SLC8A2: variants seen among roughly 807,000 people sequenced by gnomAD.
The protein encoded by SLC8A2 is sodium/calcium exchanger 2.
SLC8A2 carries 14 observed loss-of-function variants against 70.2 expected under a neutral mutation model. The ratio of observed to expected loss-of-function variants is 0.20; its 90% CI spans 0.13 to 0.31. SLC8A2 has a LOEUF of 0.31. SLC8A2 is among the 10% of genes least tolerant of loss of function. SLC8A2 has a pLI of 1.00. For synonymous variants in SLC8A2, 575 were observed against 594.3 expected, an observed-to-expected ratio of 0.97 and a Z score of 0.47; for missense variants, 779 against 1,320.1, an observed-to-expected ratio of 0.59 and a Z score of 6.35.
At chr19:47,453,849 T>TCC in intron 3 of SLC8A2, among the ~76,000 whole-genome samples, 1 of 151,798 alleles carries the variant, frequency 6.6e-6, no homozygotes, top group Non-Finnish European at 1.5e-5. Flanking sequence ...TGCTTGAGCT[T>TCC]GGGAGGCGGA....
intron 4 of SLC8A2, among the ~76,000 whole-genome samples, chr19:47,445,350 C>A (rs990768027): frequency 1.8e-4 from 28 of 152,178 alleles, no homozygotes; most frequent in African/African-American, 6.5e-4. Flanking sequence ...CTCAGATGAT[C>A]CACCCGTGTT....
chr19:47,461,632 A>T (rs1301286533), intron 2 of SLC8A2, among the ~76,000 whole-genome samples: 1 of 152,248 alleles, frequency 6.6e-6, no homozygotes, highest in African/African-American at 2.4e-5. Flanking sequence ...AAGACTTGCA[A>T]ATAGTAAAAC....
In SLC8A2 at chr19:47,429,671, C is replaced by G; in HGVS notation, c.*418G>C. On this transcript the variant is annotated 3_prime_UTR_variant, in exon 10 of 10. Coordinates refer to ENST00000236877, the MANE Select transcript of SLC8A2 (RefSeq NM_015063.3). Reference sequence around the variant, plus strand: ...GAGGGTGGGTTCTGAGGCTCTGGGACATGGGGTGAAGTGGGGGGGGGGTCA... The same window carrying G: ...GAGGGTGGGTTCTGAGGCTCTGGGAGATGGGGTGAAGTGGGGGGGGGGTCA... The G allele has an allele frequency of 7.7e-6, 1 of 130,082 alleles. No homozygotes were observed. Among genetic ancestry groups the G allele is most frequent in the Non-Finnish European group, 1.5e-5 (1 of 67,594 alleles). The allele number at this position is 130,082 out of a possible 1,614,324, so 8.1% of individuals were successfully genotyped here. A position where few individuals can be genotyped will look rare whatever the true frequency, so the allele number is the denominator to read the frequency against.
chr19:47,466,308 C>G lies in SLC8A2; in HGVS notation c.96G>C (p.Pro32=), dbSNP rs372124772. The part of the protein sequence containing the change: ...ATPTPSLPPP[P]ANDSDTSTGG... ...CTGTGCTGGTGTCGCTGTCATTGGC[C>G]GGGGGAGGCGGCAGGGAGGGGGTTG... The change falls in exon 2 of 10, where the codon CCG becomes CCC. Residue 32 remains proline, a synonymous_variant. Transcript: ENST00000236877. The surrounding 1 kb of genome is among the most constrained non-coding windows in gnomAD (Gnocchi z 6.9). The G allele has an allele frequency of 3.4e-6, 5 of 1,490,808 alleles. No homozygotes were observed. Among genetic ancestry groups the G allele is most frequent in the Middle Eastern group, 1.8e-4 (1 of 5,646 alleles). 92.3% of individuals were successfully genotyped at this position (1,490,808 alleles called of 1,614,324 possible).
intron 4 of SLC8A2, among the ~76,000 whole-genome samples, 182 bp from the exon 5 acceptor site, chr19:47,441,622 A>G (rs1327485603): frequency 6.6e-6 from 1 of 152,190 alleles, no homozygotes; most frequent in African/African-American, 2.4e-5. Flanking sequence ...CCCATTTGAC[A>G]GAAACAAAAC....
At chr19:47,469,867 G>A (rs1040646431) in intron 1 of SLC8A2, among the ~76,000 whole-genome samples, 8 of 152,296 alleles carry the variant, frequency 5.3e-5, no homozygotes, top group East Asian at 3.9e-4. Context: ...GTGGGCGTGC[G>A]GCCAGCTGGG....
rs1328980427 is a variant in SLC8A2 at position 47,448,344 on chromosome 19, A to C, written c.1341-113T>G. On this transcript the variant is annotated intron_variant, in intron 3 of 9. Transcript: ENST00000236877. This position sits in a 1 kb window ranked among gnomAD's most constrained non-coding sequence, Gnocchi z 4.8. ...GAGGAGACGTAGGTGCCATAGAAGAACTCCCAAGTATGAGGGTCGACAGGC... is the reference window on the plus strand; with the variant it reads ...GAGGAGACGTAGGTGCCATAGAAGACCTCCCAAGTATGAGGGTCGACAGGC... The C allele has an allele frequency of 1.0e-4, 78 of 749,450 alleles. No homozygotes were observed. The highest frequency in any genetic ancestry group is 8.6e-4 in the South Asian group (47 of 54,932). The allele number at this position is 749,450 out of a possible 1,614,324, so 46.4% of individuals were successfully genotyped here.
At chr19:47,463,442 T>C (rs1967421484) in intron 2 of SLC8A2, among the ~76,000 whole-genome samples, 1 of 146,428 alleles carries the variant, frequency 6.8e-6, no homozygotes, top group Non-Finnish European at 1.5e-5. Flanking sequence ...CCAGAAACCT[T>C]TTCTTTAGGC....
intron 3 of SLC8A2, among the ~76,000 whole-genome samples, chr19:47,456,382 A>G (rs1032920574): frequency 3.3e-5 from 5 of 152,204 alleles, no homozygotes; most frequent in East Asian, 1.9e-4. Context: ...AACACAGAAC[A>G]TGGCCGGATG....
chr19:47,429,795 A>C lies in SLC8A2; in HGVS notation c.*294T>G. 2 of 464,588 alleles carry C rather than the reference A, an allele frequency of 4.3e-6. No individual in the cohort carries two copies. The highest frequency in any genetic ancestry group is 7.6e-6 in the Non-Finnish European group (2 of 264,420). 28.8% of individuals were successfully genotyped at this position (464,588 alleles called of 1,614,324 possible). ...GGTTACTGGGGGTGGTTCCCTGGGG[A>C]GGGGACTGGGGTGGAAATTTCCCCA... On this transcript the variant is annotated 3_prime_UTR_variant, in exon 10 of 10. Transcript: ENST00000236877.
At chr19:47,467,304 G>T (rs925141157) in intron 1 of SLC8A2, among the ~76,000 whole-genome samples, 1 of 152,220 alleles carries the variant, frequency 6.6e-6, no homozygotes, top group East Asian at 1.9e-4. Context: ...TCACTGAGAG[G>T]CAGGGAGCAG....
In SLC8A2 at chr19:47,447,141, G is replaced by C. The variant is rs59231505; in HGVS notation, c.1763+668C>G. Among the ~76,000 whole-genome samples the C allele has an allele frequency of 0.03, 4,484 of 149,024 alleles. 219 individuals carry two copies. Among genetic ancestry groups the C allele is most frequent in the African/African-American group, 0.1 (4,203 of 40,188 alleles). On this transcript the variant is annotated intron_variant, in intron 4 of 9. Coordinates refer to ENST00000236877, the MANE Select transcript of SLC8A2 (RefSeq NM_015063.3). The surrounding 1 kb of genome is among the most constrained non-coding windows in gnomAD (Gnocchi z 5.1). ...CCCCACCCCTTCCCTAGCTCCGCGC[G>C]CCCAGGCCCCACCCATCTTGTTAGG...
In SLC8A2 at chr19:47,437,445, C is replaced by A; in HGVS notation, c.2110+17G>T. The stretch of plus-strand genomic sequence containing the variant: ...CTCTCCATCTTTCTCTCTTCTCTCT[C>A]CTCCCTCCCCACTTACCTGCGCTCA... On this transcript the variant is annotated intron_variant, in intron 8 of 9. Coordinates refer to ENST00000236877, the MANE Select transcript of SLC8A2 (RefSeq NM_015063.3). The A allele has an allele frequency of 1.3e-6, 2 of 1,496,550 alleles. No homozygotes were observed. The highest frequency in any genetic ancestry group is 2.3e-5 in the East Asian group (1 of 44,344). 92.7% of individuals were successfully genotyped at this position (1,496,550 alleles called of 1,614,324 possible). A position where few individuals can be genotyped will look rare whatever the true frequency, so the allele number is the denominator to read the frequency against.
intron 1 of SLC8A2, among the ~76,000 whole-genome samples, chr19:47,467,171 G>C (rs772036150): frequency 2.0e-5 from 3 of 152,200 alleles, no homozygotes; most frequent in African/African-American, 4.8e-5. Context: ...TTGCACAGTG[G>C]AATATTATAG....
At chr19:47,464,175 C>T (rs1967430185) in intron 2 of SLC8A2, among the ~76,000 whole-genome samples, 2 of 151,956 alleles carry the variant, frequency 1.3e-5, no homozygotes, top group African/African-American at 4.8e-5. Flanking sequence ...GCAGTGGGGC[C>T]ACCTCGGCTC....
chr19:47,443,642 G>A (rs1197504288), intron 4 of SLC8A2, among the ~76,000 whole-genome samples: 3 of 152,222 alleles, frequency 2.0e-5, no homozygotes, highest in African/African-American at 7.2e-5. Context: ...CCACCCTGCA[G>A]CCCCTCACTG....
Position 47,456,971 on chromosome 19 carries a change from A to C in SLC8A2, c.1299T>G (p.Thr433=). The change falls in exon 3 of 10, where the codon ACT becomes ACG. Residue 433 remains threonine (T), a synonymous_variant. Coordinates refer to ENST00000236877, the MANE Select transcript of SLC8A2 (RefSeq NM_015063.3). ...AGCCCGCCTTGGCAGAGCCGTCCTC[A>C]GTGCGGTAGTCCACGTAGAAGGTGC... ...GNSTFYVDYR[T]EDGSAKAGSD... The C allele has an allele frequency of 6.2e-7, 1 of 1,611,588 alleles. No homozygotes were observed. Among genetic ancestry groups the C allele is most frequent in the Non-Finnish European group, 8.5e-7 (1 of 1,179,138 alleles).
Position 47,466,349 on chromosome 19 carries a change from A to G in SLC8A2, c.55T>C (p.Ser19Pro), listed in dbSNP as rs1393039130. ...GAGGGGGTTGGGGTGGCTGCCCCGG[A>G]GCATGGGGGAGCCGCCAGGAGGAGT... ...VTLLLAAPPC[S>P]GAATPTPSLP... is the part of the protein sequence containing the mutation. The change falls in exon 2 of 10, where the codon TCC becomes CCC. Residue 19 changes from serine (S) to proline (P), a missense_variant. Around this residue, in one of 6 missense-constraint regions of SLC8A2, gnomAD observed 65 missense variants for 61.3 expected, o/e 1.06. Transcript: ENST00000236877. This position sits in a 1 kb window ranked among gnomAD's most constrained non-coding sequence, Gnocchi z 6.9. 49 of 1,447,152 alleles carry G rather than the reference A, an allele frequency of 3.4e-5. No homozygotes were observed. Among genetic ancestry groups the G allele is most frequent in the Non-Finnish European group, 4.3e-5 (47 of 1,099,922 alleles). 89.6% of individuals were successfully genotyped at this position (1,447,152 alleles called of 1,614,324 possible).
chr19:47,460,696 TAAAAAAAAAA>T (rs570411930), intron 2 of SLC8A2, among the ~76,000 whole-genome samples: 103 of 135,464 alleles, frequency 7.6e-4, no homozygotes, highest in African/African-American at 2.7e-3. Flanking sequence ...GACTCCATCT[TAAAAAAAAAA>T]AAGAAAGAAA....
Sources: allele counts gnomAD v4.1 joint callset (sites outside exome capture counted in the v4.1 genomes callset), GRCh38; gene constraint gnomAD v4.1.1; regional missense constraint gnomAD v4.1.1; non-coding constraint Gnocchi (gnomAD v3.1); transcripts MANE v1.5; gene names NCBI Gene and HGNC (gene_info 2026-07-23, HGNC 2026-07-21).